NRIP1: variants seen among roughly 807,000 people sequenced by gnomAD.
NRIP1 encodes nuclear receptor interacting protein 1, also known as nuclear receptor-interacting protein 1.
NRIP1 carries 28 observed loss-of-function variants against 75.0 expected under a neutral mutation model. The observed-to-expected ratio is 0.37, with a 90% CI of 0.28 to 0.51. The LOEUF (loss-of-function observed/expected upper bound fraction) is 0.51. NRIP1 is among the 20% of genes least tolerant of loss of function. The pLI, the probability that NRIP1 is intolerant of heterozygous loss-of-function variation, is 0.92. For missense variants in NRIP1, 1,435 were observed against 1,343.7 expected (o/e 1.07, Z -1.06); for synonymous variants, 526 against 487.6 (o/e 1.08, Z -1.04).
chr21:15,023,672 C>A (rs971289076), intron 2 of NRIP1, among the ~76,000 whole-genome samples: 4 of 152,064 alleles, frequency 2.6e-5, no homozygotes, highest in African/African-American at 9.7e-5. Context: ...CAATGCCTAT[C>A]AAAATGTAAA....
intron 3 of NRIP1, among the ~76,000 whole-genome samples, chr21:14,999,263 C>A (rs192862020): frequency 6.6e-6 from 1 of 152,264 alleles, no homozygotes; most frequent in African/African-American, 2.4e-5. Flanking sequence ...AGGGGTGAAC[C>A]ACTATGCCTG....
chr21:14,979,622 T>C (rs979895389), intron 3 of NRIP1, among the ~76,000 whole-genome samples: 1 of 152,202 alleles, frequency 6.6e-6, no homozygotes, highest in Admixed American at 6.5e-5. Flanking sequence ...CACTTCTTAT[T>C]ATAAAGTATG....
At chr21:14,973,964 C>T (rs1316270371) in intron 3 of NRIP1, among the ~76,000 whole-genome samples, 6 of 151,170 alleles carry the variant, frequency 4.0e-5, no homozygotes, top group Non-Finnish European at 7.4e-5. Flanking sequence ...GGATTACAGG[C>T]GTGAACCACC....
chr21:15,026,474 T>C (rs1363702165), intron 2 of NRIP1, among the ~76,000 whole-genome samples: 1 of 152,210 alleles, frequency 6.6e-6, no homozygotes, highest in Non-Finnish European at 1.5e-5. Context: ...TGGAAACAAC[T>C]TCATATTATT....
intron 3 of NRIP1, among the ~76,000 whole-genome samples, chr21:14,995,437 T>A (rs2087693845): frequency 6.6e-6 from 1 of 152,216 alleles, no homozygotes; most frequent in Non-Finnish European, 1.5e-5. Flanking sequence ...AGATTGTCAG[T>A]AGCTTCCAAT....
chr21:14,981,010 T>C (rs2087218573), intron 3 of NRIP1, among the ~76,000 whole-genome samples: 2 of 152,152 alleles, frequency 1.3e-5, no homozygotes, highest in African/African-American at 4.8e-5. Flanking sequence ...AGTCAAGCTG[T>C]GGAAGAGAAA....
rs1354848341 is a variant in NRIP1 at position 14,961,576 on chromosome 21, A to T, written c.*3140T>A. 1 of 152,452 alleles carries T rather than the reference A, an allele frequency of 6.6e-6. No individual in the cohort carries two copies. Among genetic ancestry groups the T allele is most frequent in the Admixed American group, 6.6e-5 (1 of 15,246 alleles). The allele number at this position is 152,452 out of a possible 1,614,324, so 9.4% of individuals were successfully genotyped here. A position where few individuals can be genotyped will look rare whatever the true frequency, so the allele number is the denominator to read the frequency against. ...TTAAAAGTGGTTGACGATTAAAAAA[A>T]TTCTTTAAGACCCTTCGAATCAAAG... On this transcript the variant is annotated 3_prime_UTR_variant, in exon 4 of 4. Coordinates refer to ENST00000318948, the MANE Select transcript of NRIP1 (RefSeq NM_003489.4).
intron 1 of NRIP1, among the ~76,000 whole-genome samples, chr21:15,047,260 G>A (rs957967318): frequency 3.3e-5 from 5 of 150,496 alleles, no homozygotes; most frequent in African/African-American, 9.9e-5. Context: ...ATCAGATCTC[G>A]GCCGGGCGCG....
chr21:15,063,313 T>C (rs531495918), intron 1 of NRIP1, among the ~76,000 whole-genome samples: 2 of 152,284 alleles, frequency 1.3e-5, no homozygotes, highest in East Asian at 1.9e-4. Context: ...ACTCACTTAC[T>C]TGGAAGGTGA....
intron 3 of NRIP1, among the ~76,000 whole-genome samples, chr21:15,008,140 C>T (rs896484655): frequency 6.6e-6 from 1 of 151,962 alleles, no homozygotes; most frequent in African/African-American, 2.4e-5. Context: ...AGAGTATCAG[C>T]CAAGGTAAGA....
chr21:15,031,071 G>A (rs1209729271), intron 2 of NRIP1, among the ~76,000 whole-genome samples: 2 of 46,310 alleles, frequency 4.3e-5, no homozygotes, highest in East Asian at 1.3e-3. Context: ...CTTTCTATGT[G>A]TGTACACTCT....
chr21:15,006,972 T>C (rs897328143), intron 3 of NRIP1, among the ~76,000 whole-genome samples: 6 of 152,062 alleles, frequency 3.9e-5, no homozygotes, highest in African/African-American at 1.4e-4. Context: ...AAAAAATGAG[T>C]AAGGGCTAGC....
In NRIP1 at chr21:15,030,729, G is replaced by C. The variant is rs538630372; in HGVS notation, c.-458+12766C>G. The stretch of plus-strand genomic sequence containing the variant: ...TGGAAGGAGGGAGAGAGGAGGATAG[G>C]TGGTAAGGAGGGAAGAAGGGAGGTC... On this transcript the variant is annotated intron_variant, in intron 2 of 3. Coordinates refer to ENST00000318948, the MANE Select transcript of NRIP1 (RefSeq NM_003489.4). 3.9e-5 allele frequency among the ~76,000 whole-genome samples: 6 copies of C among 152,348 alleles called. No individual in the cohort carries two copies. In the South Asian group the frequency reaches 1.2e-3, roughly 32 times the overall value.
chr21:15,060,353 A>G (rs946503348), intron 1 of NRIP1, among the ~76,000 whole-genome samples: 3 of 152,208 alleles, frequency 2.0e-5, no homozygotes, highest in African/African-American at 7.2e-5. Context: ...AGAAACCCTG[A>G]TAAGACTTCA....
intron 2 of NRIP1, among the ~76,000 whole-genome samples, chr21:15,019,470 CTTTTTTTTTTTTTTTTTTTTTT>C (rs539278321): frequency 7.8e-5 from 3 of 38,674 alleles, no homozygotes; most frequent in African/African-American, 1.5e-4. Context: ...AACTGCATTT[CTTTTTTTTTTTTTTTTTTTTTT>C]TTTTTTTTTT....
intron 1 of NRIP1, among the ~76,000 whole-genome samples, chr21:15,064,197 C>T (rs1242357771): frequency 1.3e-5 from 2 of 152,196 alleles, no homozygotes; most frequent in African/African-American, 4.8e-5. Context: ...GCCTCGCCAT[C>T]GGGAGGGGAC....
intron 3 of NRIP1, among the ~76,000 whole-genome samples, chr21:14,979,688 T>C (rs954627048): frequency 1.7e-5 from 1 of 58,820 alleles, no homozygotes; most frequent in African/African-American, 4.5e-5. Context: ...AGTATGTTTG[T>C]TTTTTTTAAT....
chr21:15,036,147 C>G (rs938683080), intron 2 of NRIP1, among the ~76,000 whole-genome samples: 1 of 152,052 alleles, frequency 6.6e-6, no homozygotes, highest in African/African-American at 2.4e-5. Flanking sequence ...GCCAGAAGAT[C>G]AATATTTTTT....
chr21:14,985,596 T>C (rs1031801672), intron 3 of NRIP1, among the ~76,000 whole-genome samples: 10 of 152,182 alleles, frequency 6.6e-5, no homozygotes, highest in African/African-American at 2.4e-4. Flanking sequence ...ATTTTAAAAA[T>C]ATACATATTT....
Sources: allele counts gnomAD v4.1 joint callset (sites outside exome capture counted in the v4.1 genomes callset), GRCh38; gene constraint gnomAD v4.1.1; transcripts MANE v1.5; gene names NCBI Gene and HGNC (gene_info 2026-07-23, HGNC 2026-07-21).